ASPRV1: variants seen among roughly 807,000 people sequenced by gnomAD.
ASPRV1 encodes the protein retroviral-like aspartic protease 1.
Under a neutral mutation model 11.0 loss-of-function variants are expected in ASPRV1, and 7 were observed. The ratio of observed to expected loss-of-function variants is 0.64; its 90% CI spans 0.36 to 1.20. ASPRV1 has a LOEUF of 1.20. Among genes scored for constraint, ASPRV1 ranks in the 50% most tolerant of loss-of-function variants. The pLI, the probability that ASPRV1 is intolerant of heterozygous loss-of-function variation, is 0.02. For synonymous variants in ASPRV1, 136 were observed against 138.4 expected (o/e 0.98, Z 0.12); for missense variants, 299 against 320.0 (o/e 0.93, Z 0.50).
chr2:70,056,798 G>A, the ASPRV1 span, among the ~76,000 whole-genome samples: 1,425 of 151,092 alleles, frequency 9.4e-3, 29 homozygotes, highest in African/African-American at 0.033. Flanking sequence ...GCACAATCTC[G>A]GCTCCCTGCC....
At chr2:69,982,780 G>A in the ASPRV1 span, among the ~76,000 whole-genome samples, 11 of 152,288 alleles carry the variant, frequency 7.2e-5, no homozygotes, top group Admixed American at 6.5e-4. Context: ...CCTCTGAAGT[G>A]TGGCCCCTCA....
At chr2:69,935,551 C>G in the ASPRV1 span, 7 of 863,478 alleles carry the variant, frequency 8.1e-6, no homozygotes, top group Non-Finnish European at 1.4e-5. Flanking sequence ...AGTCCTCTCC[C>G]CTGAACTCCT....
the ASPRV1 span, among the ~76,000 whole-genome samples, chr2:69,948,933 G>C: frequency 3.5e-4 from 53 of 151,774 alleles, no homozygotes; most frequent in Middle Eastern, 6.8e-3. Flanking sequence ...GCCCCCACTT[G>C]GGGAGCCTGC....
At chr2:70,035,730 TG>T in the ASPRV1 span, among the ~76,000 whole-genome samples, 5 of 151,402 alleles carry the variant, frequency 3.3e-5, no homozygotes, top group Non-Finnish European at 5.9e-5. Flanking sequence ...GACTGCCAGT[TG>T]GAAAACTGAA....
chr2:70,015,376 G>T, the ASPRV1 span: 2 of 152,272 alleles, frequency 1.3e-5, no homozygotes, highest in East Asian at 3.9e-4. Flanking sequence ...AACAACACGG[G>T]TTTGAACTGC....
chr2:69,963,554 C>A, upstream of ASPRV1: 1 of 418,968 alleles, frequency 2.4e-6, no homozygotes, highest in Non-Finnish European at 4.9e-6. Context: ...AGGAGCGAGG[C>A]AGGTGGCTTG....
chr2:69,984,237 C>T, the ASPRV1 span, among the ~76,000 whole-genome samples: 1 of 152,074 alleles, frequency 6.6e-6, no homozygotes, highest in Non-Finnish European at 1.5e-5. Context: ...CGAGGTTTCA[C>T]CATGTTGGCC....
At chr2:70,022,107 C>T in the ASPRV1 span, among the ~76,000 whole-genome samples, 16 of 151,526 alleles carry the variant, frequency 1.1e-4, no homozygotes, top group Non-Finnish European at 2.4e-4. Context: ...CTCCACCTCC[C>T]AGGTTCATGC....
chr2:70,019,416 T>C, the ASPRV1 span, among the ~76,000 whole-genome samples: 2 of 152,218 alleles, frequency 1.3e-5, no homozygotes, highest in African/African-American at 4.8e-5. Context: ...ACTGGGCATA[T>C]ATCTAAGGGA....
chr2:69,971,264 A>G, the ASPRV1 span: 2 of 152,210 alleles, frequency 1.3e-5, no homozygotes, highest in Middle Eastern at 3.2e-3. Flanking sequence ...ATGTAGCTAA[A>G]ACAAAATGTA....
chr2:70,036,344 T>C, the ASPRV1 span, among the ~76,000 whole-genome samples: 1 of 151,992 alleles, frequency 6.6e-6, no homozygotes, highest in South Asian at 2.1e-4. Context: ...GCATGCAAAA[T>C]GAATGAAGCA....
chr2:69,950,064 C>T, the ASPRV1 span, among the ~76,000 whole-genome samples: 2 of 152,190 alleles, frequency 1.3e-5, no homozygotes, highest in East Asian at 1.9e-4. Flanking sequence ...GATCCACCTG[C>T]CTCAGCCTCC....
the ASPRV1 span, among the ~76,000 whole-genome samples, chr2:70,086,678 G>A: frequency 6.6e-6 from 1 of 152,254 alleles, no homozygotes. Context: ...TTCTAATGTC[G>A]GAAAAGGGTG....
At chr2:69,985,232 C>T in the ASPRV1 span, among the ~76,000 whole-genome samples, 9 of 152,046 alleles carry the variant, frequency 5.9e-5, no homozygotes, top group Non-Finnish European at 8.8e-5. Context: ...TCCTTCTCTC[C>T]TTCCCTTCTT....
the ASPRV1 span, among the ~76,000 whole-genome samples, chr2:69,947,626 T>C: frequency 6.6e-6 from 1 of 152,254 alleles, no homozygotes; most frequent in East Asian, 1.9e-4. Context: ...AACAAGAGGA[T>C]ACTGCCATGC....
At chr2:70,060,693 G>A in the ASPRV1 span, among the ~76,000 whole-genome samples, 1 of 152,200 alleles carries the variant, frequency 6.6e-6, no homozygotes, top group African/African-American at 2.4e-5. Flanking sequence ...GCACATGCCT[G>A]TAATCCCAGC....
the ASPRV1 span, among the ~76,000 whole-genome samples, chr2:70,036,436 G>A: frequency 6.6e-6 from 1 of 152,052 alleles, no homozygotes; most frequent in South Asian, 2.1e-4. Context: ...TAGCGTGGGC[G>A]GGTGGGATTA....
At chr2:70,021,697 G>C in the ASPRV1 span, among the ~76,000 whole-genome samples, 1 of 149,298 alleles carries the variant, frequency 6.7e-6, no homozygotes, top group Non-Finnish European at 1.5e-5. Context: ...TTTAAAATAC[G>C]TTAAGAGAAT....
chr2:69,944,431 T>C, the ASPRV1 span, among the ~76,000 whole-genome samples: 3 of 152,270 alleles, frequency 2.0e-5, no homozygotes, highest in East Asian at 3.9e-4. Flanking sequence ...AACCTTCACA[T>C]TGGCCCCGGG....
Sources: gnomAD v4.1 joint callset for allele counts (sites outside exome capture counted in the v4.1 genomes callset) on GRCh38, gnomAD v4.1.1 for gene constraint, MANE v1.5 for transcripts, NCBI Gene and HGNC (gene_info 2026-07-23, HGNC 2026-07-21) for gene names.